HHAT: variants seen among roughly 807,000 people sequenced by gnomAD.
HHAT encodes hedgehog acyltransferase, also known as protein-cysteine N-palmitoyltransferase HHAT.
In HHAT, 47 loss-of-function variants were observed where a neutral mutation model predicts 70.8. That is an observed-to-expected ratio of 0.66 (90% CI 0.53 to 0.85). The LOEUF (loss-of-function observed/expected upper bound fraction) is 0.85. HHAT is among the 40% of genes least tolerant of loss of function. The pLI, the probability that HHAT is intolerant of heterozygous loss-of-function variation, is 0.00. For missense variants in HHAT, 609 were observed against 604.8 expected (o/e 1.01, Z -0.07); for synonymous variants, 228 against 247.6 (o/e 0.92, Z 0.74).
intron 8 of HHAT, among the ~76,000 whole-genome samples, chr1:210,494,542 CTTTTTTTTT>C (rs71146226): frequency 0.011 from 937 of 82,862 alleles, 9 homozygotes; most frequent in Admixed American, 0.02. Flanking sequence ...TTTGAAATAG[CTTTTTTTTT>C]TTTTTTTTTT....
chr1:210,500,142 TTC>T (rs1366778715), intron 8 of HHAT, among the ~76,000 whole-genome samples: 1 of 152,184 alleles, frequency 6.6e-6, no homozygotes, highest in African/African-American at 2.4e-5. Flanking sequence ...TGTTCAACTA[TTC>T]TGAGAGGTGA....
chr1:210,456,816 G>A (rs1307254919), intron 7 of HHAT, among the ~76,000 whole-genome samples: 1 of 152,160 alleles, frequency 6.6e-6, no homozygotes, highest in African/African-American at 2.4e-5. Context: ...TGCTAGAGAT[G>A]ACTGAATTCC....
At chr1:210,649,295 G>A (rs1048954761) in intron 11 of HHAT, among the ~76,000 whole-genome samples, 1 of 152,236 alleles carries the variant, frequency 6.6e-6, no homozygotes, top group Non-Finnish European at 1.5e-5. Context: ...TAGGAATAGA[G>A]ACTCATTTTC....
At chr1:210,625,462 G>A (rs568997409) in intron 11 of HHAT, among the ~76,000 whole-genome samples, 37 of 152,306 alleles carry the variant, frequency 2.4e-4, no homozygotes, top group Non-Finnish European at 4.7e-4. Context: ...AAGCTCACAC[G>A]AATGTGAGTG....
chr1:210,435,516 T>C (rs1045667014), intron 7 of HHAT, among the ~76,000 whole-genome samples: 1 of 151,774 alleles, frequency 6.6e-6, no homozygotes, highest in Non-Finnish European at 1.5e-5. Context: ...CATATGGTGG[T>C]TCTATTTTTG....
intron 11 of HHAT, among the ~76,000 whole-genome samples, chr1:210,656,608 C>T (rs778296747): frequency 3.2e-4 from 48 of 152,312 alleles, no homozygotes; most frequent in Middle Eastern, 6.8e-3. Context: ...AGTGCCTCTC[C>T]GCTCACCGTC....
intron 11 of HHAT, among the ~76,000 whole-genome samples, chr1:210,653,665 G>A (rs1219383385): frequency 6.6e-6 from 1 of 152,156 alleles, no homozygotes; most frequent in East Asian, 1.9e-4. Flanking sequence ...AGACAGAGGA[G>A]TGAGGGGAGA....
intron 3 of HHAT, among the ~76,000 whole-genome samples, chr1:210,370,951 T>A (rs919589520): frequency 1.3e-5 from 2 of 152,134 alleles, no homozygotes; most frequent in Admixed American, 6.5e-5. Flanking sequence ...GAGCTACAAT[T>A]CCTATTCCTG....
At chr1:210,397,412 T>G (rs2091848652) in intron 4 of HHAT, among the ~76,000 whole-genome samples, 1 of 152,178 alleles carries the variant, frequency 6.6e-6, no homozygotes, top group Admixed American at 6.5e-5. Flanking sequence ...TTAGGTGGGT[T>G]TTTAAACTTG....
intron 8 of HHAT, among the ~76,000 whole-genome samples, chr1:210,492,050 A>G (rs1349038162): frequency 6.6e-6 from 1 of 152,180 alleles, no homozygotes; most frequent in African/African-American, 2.4e-5. Flanking sequence ...GGTGTGAGCC[A>G]CTGCACCTGG....
At chr1:210,557,043 G>A (rs1263187763) in intron 9 of HHAT, among the ~76,000 whole-genome samples, 1 of 152,174 alleles carries the variant, frequency 6.6e-6, no homozygotes, top group Non-Finnish European at 1.5e-5. Flanking sequence ...CAGCAGGGCT[G>A]AAGATCAGCC....
At chr1:210,669,958 G>A (rs1679752718) in intron 11 of HHAT, among the ~76,000 whole-genome samples, 2 of 152,070 alleles carry the variant, frequency 1.3e-5, no homozygotes, top group Admixed American at 1.3e-4. Flanking sequence ...CTCACTCCTG[G>A]TGGAGAAGGG....
At chr1:210,660,079 A>G (rs1223323546) in intron 11 of HHAT, among the ~76,000 whole-genome samples, 1 of 151,888 alleles carries the variant, frequency 6.6e-6, no homozygotes, top group Non-Finnish European at 1.5e-5. Flanking sequence ...GGCAATCAGG[A>G]GAAAGAAATA....
intron 9 of HHAT, among the ~76,000 whole-genome samples, chr1:210,527,440 C>T (rs528251623): frequency 6.6e-5 from 10 of 152,230 alleles, no homozygotes; most frequent in South Asian, 2.1e-4. Flanking sequence ...AGGAGGTTTT[C>T]GAGGACCAAA....
intron 9 of HHAT, among the ~76,000 whole-genome samples, chr1:210,568,283 C>T (rs1315466822): frequency 9.9e-5 from 15 of 152,260 alleles, no homozygotes; most frequent in Non-Finnish European, 1.5e-5. Context: ...GAGCTCCTTC[C>T]ACCATATTTT....
At chr1:210,490,438 A>T (rs577417379) in intron 8 of HHAT, among the ~76,000 whole-genome samples, 1 of 152,312 alleles carries the variant, frequency 6.6e-6, no homozygotes, top group African/African-American at 2.4e-5. Context: ...TTGAAGTTGA[A>T]ATGACCTTAC....
intron 7 of HHAT, among the ~76,000 whole-genome samples, chr1:210,449,117 G>A (rs2093694355): frequency 6.6e-6 from 1 of 152,108 alleles, no homozygotes; most frequent in African/African-American, 2.4e-5. Flanking sequence ...TAAAGGTTTA[G>A]GAGACAATTC....
chr1:210,405,843 C>T (rs1299135250), intron 6 of HHAT, among the ~76,000 whole-genome samples: 1 of 152,068 alleles, frequency 6.6e-6, no homozygotes, highest in Non-Finnish European at 1.5e-5. Context: ...TGGGATCGTT[C>T]TTTTGTCATG....
rs60192211 is a variant in HHAT at position 210,560,814 on chromosome 1, T to TAAAAAAAAAAAAAAAAA, written c.1044-27063_1044-27047dup. ...GGTGACAAAGTGAGACCCTGTGTCT[T>TAAAAAAAAAAAAAAAAA]AAAAAAAAAAAAAAAAAAAAAAAAA... is the stretch of plus-strand genomic sequence containing the variant. On this transcript the variant is annotated intron_variant, in intron 9 of 11. Transcript: ENST00000261458. 1.1e-4 allele frequency among the ~76,000 whole-genome samples: 3 copies of TAAAAAAAAAAAAAAAAA among 28,514 alleles called. 1 individual carries two copies. The highest frequency in any genetic ancestry group is 2.9e-4 in the Non-Finnish European group (3 of 10,504). The allele number at this position is 28,514 out of a possible 152,430, so 18.7% of individuals were successfully genotyped here.
Sources: allele counts gnomAD v4.1 joint callset (sites outside exome capture counted in the v4.1 genomes callset), GRCh38; gene constraint gnomAD v4.1.1; transcripts MANE v1.5; gene names NCBI Gene and HGNC (gene_info 2026-07-23, HGNC 2026-07-21).